Variants in SLC5A3 observed in about 807,000 individuals in gnomAD.
SLC5A3 encodes the protein solute carrier family 5 member 3.
A neutral mutation model predicts 43.2 loss-of-function variants in SLC5A3; 10 were observed. The ratio of observed to expected loss-of-function variants is 0.23; its 90% CI spans 0.14 to 0.39. The LOEUF (loss-of-function observed/expected upper bound fraction) is 0.39. Among genes scored for constraint, SLC5A3 ranks in the 10% least tolerant of loss-of-function variants. The pLI, the probability that SLC5A3 is intolerant of heterozygous loss-of-function variation, is 1.00. For missense variants in SLC5A3, 608 were observed against 893.4 expected (o/e 0.68, Z 4.07); for synonymous variants, 349 against 322.0 (o/e 1.08, Z -0.90).
chr21:34,095,458 T>C lies in SLC5A3; in HGVS notation c.260T>C (p.Leu87Ser). 6.2e-7 allele frequency: 1 copy of C among 1,614,134 alleles called. No individual in the cohort carries two copies. The stretch of plus-strand genomic sequence containing the variant: ...GTGGGCGCATGGGAATTCAATGCCT[T>C]ACTGCTTTTACAACTTCTGGGATGG... ...FAVGAWEFNA[L>S]LLLQLLGWVF... The change falls in exon 2 of 2, where the codon TTA (leucine) becomes TCA (serine). Residue 87 changes from leucine (L) to serine (S), a missense_variant. Physicochemically the swap from Leu to Ser is moderately radical, Grantham distance 145. Around this residue, in one of 2 missense-constraint regions of SLC5A3, gnomAD observed 398 missense variants for 668.6 expected, o/e 0.60. Transcript: ENST00000381151.
At position 34,098,086 on chromosome 21, in the gene SLC5A3, T is replaced by C. The variant is rs757139444; in HGVS notation, c.*731T>C. The C allele has an allele frequency of 1.2e-4, 124 of 999,300 alleles. No individual in the cohort carries two copies. The highest frequency in any genetic ancestry group is 1.2e-4 in the Non-Finnish European group (102 of 829,314). The allele number at this position is 999,300 out of a possible 1,614,324, so 61.9% of individuals were successfully genotyped here. A position where few individuals can be genotyped will look rare whatever the true frequency, so the allele number is the denominator to read the frequency against. On this transcript the variant is annotated 3_prime_UTR_variant, in exon 2 of 2. Coordinates refer to ENST00000381151, the MANE Select transcript of SLC5A3 (RefSeq NM_006933.7). ...AAGTTACATGTCATGATTGTGTTGT[T>C]AAATGATTATGGGGGAGAAAATGAA...
intron 1 of SLC5A3, among the ~76,000 whole-genome samples, chr21:34,076,392 T>G (rs1989331475): frequency 6.6e-6 from 1 of 152,202 alleles, no homozygotes; most frequent in African/African-American, 2.4e-5. Flanking sequence ...CAAAGTCAGT[T>G]GCGGGAATGC....
intron 1 of SLC5A3, among the ~76,000 whole-genome samples, chr21:34,084,289 C>T (rs898135724): frequency 6.6e-6 from 1 of 152,110 alleles, no homozygotes; most frequent in Admixed American, 6.5e-5. Flanking sequence ...GGTGCTTGTG[C>T]TTAGGTTTTC....
chr21:34,103,601 C>G lies in SLC5A3; in HGVS notation c.*6246C>G. On this transcript the variant is annotated 3_prime_UTR_variant, in exon 2 of 2. Transcript: ENST00000381151. The stretch of plus-strand genomic sequence containing the variant: ...AAATCGTGTTCACACATTAGTGTAC[C>G]CACACATAGAAAGCACAAGACTAAT... The G allele has an allele frequency of 7.0e-6, 7 of 999,958 alleles. No individual in the cohort carries two copies. The highest frequency in any genetic ancestry group is 8.4e-6 in the Non-Finnish European group (7 of 829,828). The allele number at this position is 999,958 out of a possible 1,614,324, so 61.9% of individuals were successfully genotyped here.
intron 1 of SLC5A3, among the ~76,000 whole-genome samples, chr21:34,086,174 T>G (rs1285879061): frequency 2.0e-5 from 3 of 152,222 alleles, no homozygotes; most frequent in Non-Finnish European, 4.4e-5. Context: ...GTAATTTCTG[T>G]AGACCCATAG....
At chr21:34,091,930 T>C (rs1041594202) in intron 1 of SLC5A3, among the ~76,000 whole-genome samples, 7 of 56 alleles carry the variant, frequency 0.12, no homozygotes, top group African/African-American at 0.22. Flanking sequence ...TTTATTGTCT[T>C]ATAATTTTAC....
In SLC5A3 at chr21:34,098,351, C is replaced by T; in HGVS notation, c.*996C>T. On this transcript the variant is annotated 3_prime_UTR_variant, in exon 2 of 2. Transcript: ENST00000381151. ...AAACCTGAAGAAAAATTGACGCTGC[C>T]TTTGTGTGCTGGATTGCTCTACTTG... The T allele has an allele frequency of 1.0e-6, 1 of 1,000,170 alleles. No individual in the cohort carries two copies. 62.0% of individuals were successfully genotyped at this position (1,000,170 alleles called of 1,614,324 possible).
Position 34,096,128 on chromosome 21 carries a change from G to T in SLC5A3, c.930G>T (p.Met310Ile). 6.2e-7 allele frequency: 1 copy of T among 1,614,112 alleles called. No individual in the cohort carries two copies. The highest frequency in any genetic ancestry group is 1.1e-5 in the South Asian group (1 of 91,082). The change falls in exon 2 of 2, where the codon ATG (methionine) becomes ATT (isoleucine). Residue 310 changes from methionine (M) to isoleucine (I), a missense_variant. Around this residue, in one of 2 missense-constraint regions of SLC5A3, gnomAD observed 398 missense variants for 668.6 expected, o/e 0.60. Transcript: ENST00000381151. The surrounding 1 kb of genome is among the most constrained non-coding windows in gnomAD (Gnocchi z 5.9). ...LMAGFLKLLP[M>I]FIIVVPGMIS... ...CTGGCTTCTTAAAGCTCCTGCCAAT[G>T]TTTATCATAGTTGTCCCAGGAATGA... is the stretch of plus-strand genomic sequence containing the variant.
Position 34,099,563 on chromosome 21 carries a change from C to T in SLC5A3, c.*2208C>T, listed in dbSNP as rs977101425. 2.0e-6 allele frequency: 2 copies of T among 999,752 alleles called. No individual in the cohort carries two copies. Among genetic ancestry groups the T allele is most frequent in the African/African-American group, 3.5e-5 (2 of 57,200 alleles). 61.9% of individuals were successfully genotyped at this position (999,752 alleles called of 1,614,324 possible). On this transcript the variant is annotated 3_prime_UTR_variant, in exon 2 of 2. Transcript: ENST00000381151. ...TTGACATATTGGCTGGGCAGCCTAT[C>T]TCTTCCATATCCAGCGTAAATGAAT...
Position 34,101,769 on chromosome 21 carries a change from T to A in SLC5A3, c.*4414T>A. 1.0e-6 allele frequency: 1 copy of A among 995,766 alleles called. No individual in the cohort carries two copies. Among genetic ancestry groups the A allele is most frequent in the Middle Eastern group, 5.2e-4 (1 of 1,906 alleles). 61.7% of individuals were successfully genotyped at this position (995,766 alleles called of 1,614,324 possible). On this transcript the variant is annotated 3_prime_UTR_variant, in exon 2 of 2. Transcript: ENST00000381151. ...TAATTATGTTTTAAGTATACTGAATTTCTGTTAGCTTAAAATGTTAATTCT... is the reference window on the plus strand; with the variant it reads ...TAATTATGTTTTAAGTATACTGAATATCTGTTAGCTTAAAATGTTAATTCT...
Position 34,104,325 on chromosome 21 carries a change from A to C in SLC5A3, c.*6970A>C. ...ATGAAATCTGTTAATGTGTGTGTAGAAGAAAACGTATGTTCTTCTACTCAG... is the reference window on the plus strand; with the variant it reads ...ATGAAATCTGTTAATGTGTGTGTAGCAGAAAACGTATGTTCTTCTACTCAG... On this transcript the variant is annotated 3_prime_UTR_variant, in exon 2 of 2. Transcript: ENST00000381151. The C allele has an allele frequency of 3.0e-6, 3 of 1,000,022 alleles. No individual in the cohort carries two copies. Among genetic ancestry groups the C allele is most frequent in the Non-Finnish European group, 3.6e-6 (3 of 829,866 alleles). The allele number at this position is 1,000,022 out of a possible 1,614,324, so 61.9% of individuals were successfully genotyped here.
chr21:34,078,896 G>C (rs1989395082), intron 1 of SLC5A3, among the ~76,000 whole-genome samples: 1 of 152,168 alleles, frequency 6.6e-6, no homozygotes, highest in African/African-American at 2.4e-5. Context: ...GAGTTTATCT[G>C]TTTTTAGTGG....
In SLC5A3 at chr21:34,105,450, A is replaced by T. The variant is rs1232737589; in HGVS notation, c.*8095A>T. ...TTCATTTATTTTTAAGCCAAATGTCAGCAGAGTGCTGCTGCTTTTATCTAG... is the reference window on the plus strand; with the variant it reads ...TTCATTTATTTTTAAGCCAAATGTCTGCAGAGTGCTGCTGCTTTTATCTAG... On this transcript the variant is annotated 3_prime_UTR_variant, in exon 2 of 2. Coordinates refer to ENST00000381151, the MANE Select transcript of SLC5A3 (RefSeq NM_006933.7). 2 of 999,482 alleles carry T rather than the reference A, an allele frequency of 2.0e-6. No homozygotes were observed. The highest frequency in any genetic ancestry group is 4.7e-5 in the South Asian group (1 of 21,286). 61.9% of individuals were successfully genotyped at this position (999,482 alleles called of 1,614,324 possible). A position where few individuals can be genotyped will look rare whatever the true frequency, so the allele number is the denominator to read the frequency against.
In SLC5A3 at chr21:34,104,184, T is replaced by C. The variant is rs956821857; in HGVS notation, c.*6829T>C. 2.0e-6 allele frequency: 2 copies of C among 999,994 alleles called. No homozygotes were observed. Among genetic ancestry groups the C allele is most frequent in the African/African-American group, 3.5e-5 (2 of 57,224 alleles). The allele number at this position is 999,994 out of a possible 1,614,324, so 61.9% of individuals were successfully genotyped here. ...ATAAAGGATAATTTGATCTGAGTGT[T>C]CTGAGCATCAGACTAATTCTGAAGC... On this transcript the variant is annotated 3_prime_UTR_variant, in exon 2 of 2. Transcript: ENST00000381151.
At chr21:34,085,007 CAT>C (rs1228824133) in intron 1 of SLC5A3, among the ~76,000 whole-genome samples, 4 of 152,184 alleles carry the variant, frequency 2.6e-5, no homozygotes, top group Admixed American at 1.3e-4. Context: ...CTAACCACAA[CAT>C]AGTCATCACA....
At position 34,097,319 on chromosome 21, in the gene SLC5A3, A is replaced by G. The variant is rs1332216243; in HGVS notation, c.2121A>G (p.Ser707=). 8 of 1,608,362 alleles carry G rather than the reference A, an allele frequency of 5.0e-6. No homozygotes were observed. Among genetic ancestry groups the G allele is most frequent in the African/African-American group, 1.3e-5 (1 of 74,402 alleles). The change falls in exon 2 of 2, where the codon TCA becomes TCG. Residue 707 remains serine (S), a synonymous_variant. Transcript: ENST00000381151. ...ATATTGGACTTTTTGCTGTGTGTTC[A>G]CTTGGAATTTTCATGTTTGTTTATT... ...ILNIGLFAVC[S]LGIFMFVYFS...
intron 1 of SLC5A3, among the ~76,000 whole-genome samples, chr21:34,081,709 TG>T (rs1214724880): frequency 1.3e-5 from 2 of 152,210 alleles, no homozygotes. Flanking sequence ...AAAGTGGTTA[TG>T]TGACCTTGGA....
chr21:34,096,070 A>T lies in SLC5A3; in HGVS notation c.872A>T (p.Asn291Ile). 6.2e-7 allele frequency: 1 copy of T among 1,614,084 alleles called. No homozygotes were observed. ...GTGCAGAGGGTCCTTGCAGCCAAAAACATTGCTCATGCCAAAGGCTCTACT... is the reference window on the plus strand; with the variant it reads ...GTGCAGAGGGTCCTTGCAGCCAAAATCATTGCTCATGCCAAAGGCTCTACT... The part of the protein sequence containing the change: ...VIVQRVLAAK[N>I]IAHAKGSTLM... Residue 291 changes from asparagine (N) to isoleucine (I), a missense_variant, in exon 2 of 2, where the codon AAC (asparagine) becomes ATC (isoleucine). Coordinates refer to ENST00000381151, the MANE Select transcript of SLC5A3 (RefSeq NM_006933.7). This position sits in a 1 kb window ranked among gnomAD's most constrained non-coding sequence, Gnocchi z 5.9.
intron 1 of SLC5A3, among the ~76,000 whole-genome samples, chr21:34,075,038 C>T (rs571654219): frequency 1.3e-5 from 2 of 152,344 alleles, no homozygotes; most frequent in African/African-American, 4.8e-5. Context: ...TTGAATATCC[C>T]TTTTGGCCCT....
Sources: allele counts gnomAD v4.1 joint callset (sites outside exome capture counted in the v4.1 genomes callset), GRCh38; gene constraint gnomAD v4.1.1; regional missense constraint gnomAD v4.1.1; non-coding constraint Gnocchi (gnomAD v3.1); transcripts MANE v1.5; gene names NCBI Gene and HGNC (gene_info 2026-07-23, HGNC 2026-07-21).